The following PEDS1 variants were observed in gnomAD, a reference collection of about 807,000 sequenced individuals.
PEDS1 encodes CarF homolog.
PEDS1 carries 14 observed loss-of-function variants against 35.2 expected under a neutral mutation model. The ratio of observed to expected loss-of-function variants is 0.40; its 90% CI spans 0.26 to 0.62. The LOEUF (loss-of-function observed/expected upper bound fraction) is 0.62. PEDS1 is among the 20% of genes least tolerant of loss of function. The probability of loss-of-function intolerance (pLI) is 0.44; values close to 1 mark genes in which losing one functional copy is unlikely to be tolerated. For missense variants in PEDS1, 260 were observed against 367.8 expected, an observed-to-expected ratio of 0.71 and a Z score of 2.40; for synonymous variants, 152 against 152.0, an observed-to-expected ratio of 1.00 and a Z score of 0.00.
At chr20:50,149,173 A>G (rs895981545) in intron 1 of PEDS1, among the ~76,000 whole-genome samples, 7 of 152,138 alleles carry the variant, frequency 4.6e-5, no homozygotes, top group African/African-American at 1.4e-4. Context: ...CAAAAGGAGC[A>G]AAAAACAGAA....
Position 50,128,338 on chromosome 20 carries a change from T to C in PEDS1, c.479-151A>G. 1.1e-6 allele frequency: 1 copy of C among 931,334 alleles called. No individual in the cohort carries two copies. Among genetic ancestry groups the C allele is most frequent in the Non-Finnish European group, 1.6e-6 (1 of 623,344 alleles). 57.7% of individuals were successfully genotyped at this position (931,334 alleles called of 1,614,324 possible). ...ACCCCCTGCAGGGCCGCAGGCAAGCTCAGGTGCTGCCCTGGGCTTCAGGCT... is the reference window on the plus strand; with the variant it reads ...ACCCCCTGCAGGGCCGCAGGCAAGCCCAGGTGCTGCCCTGGGCTTCAGGCT... On this transcript the variant is annotated intron_variant, in intron 4 of 5. Coordinates refer to ENST00000371652, the MANE Select transcript of PEDS1 (RefSeq NM_199129.4). This position sits in a 1 kb window ranked among gnomAD's most constrained non-coding sequence, Gnocchi z 5.2.
chr20:50,132,188 G>A (rs1268886789), intron 2 of PEDS1, among the ~76,000 whole-genome samples: 1 of 152,190 alleles, frequency 6.6e-6, no homozygotes, highest in Non-Finnish European at 1.5e-5. Context: ...GGCCAACAGA[G>A]TGAGACTCTG....
chr20:50,132,549 C>A (rs879191796), intron 2 of PEDS1, among the ~76,000 whole-genome samples: 3 of 152,198 alleles, frequency 2.0e-5, no homozygotes, highest in Non-Finnish European at 4.4e-5. Flanking sequence ...CCTCCCTGGA[C>A]ACCTGATGGA....
intron 1 of PEDS1, 23 bp downstream of exon 1, chr20:50,153,494 G>A: frequency 7.4e-7 from 1 of 1,343,306 alleles, no homozygotes; most frequent in African/African-American, 1.5e-5. Context: ...CCGCAGGCCT[G>A]GAGGGGGGCC....
Position 50,142,682 on chromosome 20 carries a change from GCCCCCCCCCC to G in PEDS1, c.241+810_241+819del, listed in dbSNP as rs3091914. Among the ~76,000 whole-genome samples the G allele has an allele frequency of 8.8e-5, 3 of 33,932 alleles. 1 individual carries two copies. The highest frequency in any genetic ancestry group is 1.7e-4 in the Non-Finnish European group (3 of 17,924). The allele number at this position is 33,932 out of a possible 152,430, so 22.3% of individuals were successfully genotyped here. A position where few individuals can be genotyped will look rare whatever the true frequency, so the allele number is the denominator to read the frequency against. ...TCGAACTCCTGACCTCAAGTCATCC[GCCCCCCCCCC>G]CCCGCCCCAACGGCCTCCCACAGTG... On this transcript the variant is annotated intron_variant, in intron 2 of 5. Transcript: ENST00000371652.
At chr20:50,136,035 T>G (rs1361263357) in intron 2 of PEDS1, among the ~76,000 whole-genome samples, 1 of 152,180 alleles carries the variant, frequency 6.6e-6, no homozygotes, top group African/African-American at 2.4e-5. Context: ...AATATTGGTG[T>G]ACAAGTCTAT....
At chr20:50,137,326 C>A (rs1449570052) in intron 2 of PEDS1, among the ~76,000 whole-genome samples, 1 of 152,172 alleles carries the variant, frequency 6.6e-6, no homozygotes, top group East Asian at 1.9e-4. Flanking sequence ...CAGGCGTGAG[C>A]CACCGCACCC....
Position 50,143,649 on chromosome 20 carries a change from G to C in PEDS1, c.122-28C>G, listed in dbSNP as rs750096310. The C allele has an allele frequency of 1.7e-5, 27 of 1,613,196 alleles. No homozygotes were observed. In the East Asian group the frequency reaches 5.8e-4, roughly 35 times the overall value. On this transcript the variant is annotated intron_variant, in intron 1 of 5. Coordinates refer to ENST00000371652, the MANE Select transcript of PEDS1 (RefSeq NM_199129.4). ...GCAGGGAGCAGAGGCGAGAGGTAAA[G>C]GCTGGAAGGTCAAGGCCAGGCAGAG...
chr20:50,150,168 C>T (rs537114403), intron 1 of PEDS1, among the ~76,000 whole-genome samples: 4 of 152,108 alleles, frequency 2.6e-5, no homozygotes, highest in East Asian at 1.9e-4. Context: ...ACAGCTCACA[C>T]GGTTGTAGTG....
intron 1 of PEDS1, among the ~76,000 whole-genome samples, chr20:50,151,739 G>C (rs951104479): frequency 4.5e-4 from 68 of 152,270 alleles, no homozygotes; most frequent in Middle Eastern, 3.4e-3. Context: ...GGCGCCTGTA[G>C]TCCCAGCTAC....
At chr20:50,139,628 C>A (rs1472085883) in intron 2 of PEDS1, among the ~76,000 whole-genome samples, 1 of 151,910 alleles carries the variant, frequency 6.6e-6, no homozygotes, top group Non-Finnish European at 1.5e-5. Flanking sequence ...GCTCAGCCAG[C>A]CTAGGAGATA....
intron 2 of PEDS1, among the ~76,000 whole-genome samples, chr20:50,132,349 T>C (rs2147278310): frequency 6.6e-6 from 1 of 152,252 alleles, no homozygotes. Context: ...TTTATAGAGG[T>C]GGAAACTGAG....
At chr20:50,147,950 C>T (rs1330190055) in intron 1 of PEDS1, among the ~76,000 whole-genome samples, 1 of 151,948 alleles carries the variant, frequency 6.6e-6, no homozygotes, top group Non-Finnish European at 1.5e-5. Context: ...CCTAGCTACT[C>T]GGGAGGGTGC....
chr20:50,136,209 G>A (rs2081232758), intron 2 of PEDS1, among the ~76,000 whole-genome samples: 1 of 152,156 alleles, frequency 6.6e-6, no homozygotes, highest in Non-Finnish European at 1.5e-5. Flanking sequence ...CCTCGCTTAG[G>A]CCGAATCTTA....
Position 50,128,613 on chromosome 20 carries a change from T to C in PEDS1, c.479-426A>G, listed in dbSNP as rs906555516. Among the ~76,000 whole-genome samples the C allele has an allele frequency of 4.6e-5, 7 of 152,068 alleles. No individual in the cohort carries two copies. Among genetic ancestry groups the C allele is most frequent in the Admixed American group, 2.6e-4 (4 of 15,260 alleles). ...GAAACAGGTTCTTGTGCATGTGATTTATCAAGGGAGCCTCTTCAGGAAAAA... is the reference window on the plus strand; with the variant it reads ...GAAACAGGTTCTTGTGCATGTGATTCATCAAGGGAGCCTCTTCAGGAAAAA... On this transcript the variant is annotated intron_variant, in intron 4 of 5. Transcript: ENST00000371652. The surrounding 1 kb of genome is among the most constrained non-coding windows in gnomAD (Gnocchi z 5.2).
chr20:50,146,146 G>A (rs2081343065), intron 1 of PEDS1, among the ~76,000 whole-genome samples: 1 of 152,204 alleles, frequency 6.6e-6, no homozygotes, highest in Admixed American at 6.5e-5. Context: ...GCCAGAGCAG[G>A]TGAGAAGGGC....
chr20:50,140,159 G>A (rs2081278080), intron 2 of PEDS1, among the ~76,000 whole-genome samples: 1 of 152,210 alleles, frequency 6.6e-6, no homozygotes, highest in Admixed American at 6.5e-5. Flanking sequence ...AGCCAACCTG[G>A]AAGCACATTC....
intron 2 of PEDS1, 60 bp downstream of exon 2, chr20:50,143,442 C>G: frequency 2.6e-6 from 4 of 1,562,024 alleles, no homozygotes; most frequent in South Asian, 2.4e-5. Flanking sequence ...GCGCCAGTTA[C>G]CCGGTGGGTC....
At chr20:50,125,307 G>A in intron 5 of PEDS1, 128 bp from the exon 6 acceptor site, 1 of 1,282,698 alleles carries the variant, frequency 7.8e-7, no homozygotes, top group South Asian at 1.5e-5. Context: ...AGGACACAGG[G>A]ACCGGCCAAG....
Sources: allele counts gnomAD v4.1 joint callset (sites outside exome capture counted in the v4.1 genomes callset), GRCh38; gene constraint gnomAD v4.1.1; non-coding constraint Gnocchi (gnomAD v3.1); transcripts MANE v1.5; gene names NCBI Gene and HGNC (gene_info 2026-07-23, HGNC 2026-07-21).